Variants in PIEZO2 observed in about 807,000 individuals in gnomAD.
PIEZO2 encodes the protein piezo-type mechanosensitive ion channel component 2.
PIEZO2 carries 172 observed loss-of-function variants against 337.3 expected under a neutral mutation model. The observed-to-expected ratio is 0.51, with a 90% CI of 0.45 to 0.58. PIEZO2 has a LOEUF of 0.58. Among genes scored for constraint, PIEZO2 ranks in the 20% least tolerant of loss-of-function variants. PIEZO2 has a pLI of 0.00. For missense variants in PIEZO2, 3,028 were observed against 3,391.3 expected (o/e 0.89, Z 2.66); for synonymous variants, 1,251 against 1,228.5 (o/e 1.02, Z -0.38).
In PIEZO2 at chr18:11,149,021, T is replaced by C. The variant is rs1309176552; in HGVS notation, c.-433A>G. Among the ~76,000 whole-genome samples the C allele has an allele frequency of 7.9e-5, 12 of 151,416 alleles. No homozygotes were observed. Among genetic ancestry groups the C allele is most frequent in the African/African-American group, 2.7e-4 (11 of 41,248 alleles). ...TCCCGCCTGGCTCCCGGGGCGTCGT[T>C]TGGGGGCGGCCGGGGAGTTTTCTAC... is the stretch of plus-strand genomic sequence containing the variant. On this transcript the variant is annotated 5_prime_UTR_variant, in exon 1 of 56. Transcript: ENST00000674853. This position sits in a 1 kb window ranked among gnomAD's most constrained non-coding sequence, Gnocchi z 8.7.
At position 11,048,072 on chromosome 18, in the gene PIEZO2, C is replaced by G. The variant is rs556476432; in HGVS notation, c.160+18055G>C. ...GTGACACCTGCTGGGTGTAGACAGT[C>G]AAGAGCACAGCGGCAGCCACTGCCA... On this transcript the variant is annotated intron_variant, in intron 2 of 55. Coordinates refer to ENST00000674853, the MANE Select transcript of PIEZO2 (RefSeq NM_001378183.1). This position sits in a 1 kb window ranked among gnomAD's most constrained non-coding sequence, Gnocchi z 4.5. Among the ~76,000 whole-genome samples the G allele has an allele frequency of 1.2e-3, 180 of 152,238 alleles. No homozygotes were observed. Among genetic ancestry groups the G allele is most frequent in the African/African-American group, 4.3e-3 (179 of 41,558 alleles).
At position 10,795,293 on chromosome 18, in the gene PIEZO2, A is replaced by G. The variant is rs1448822773; in HGVS notation, c.1528-291T>C. Reference sequence around the variant, plus strand: ...TTTTACAATAGACTTTTTTCAGTTAAGTAGCAAAATGTGTATTCAAATATT... The same window carrying G: ...TTTTACAATAGACTTTTTTCAGTTAGGTAGCAAAATGTGTATTCAAATATT... On this transcript the variant is annotated intron_variant, in intron 12 of 55. Coordinates refer to ENST00000674853, the MANE Select transcript of PIEZO2 (RefSeq NM_001378183.1). This position sits in a 1 kb window ranked among gnomAD's most constrained non-coding sequence, Gnocchi z 4.4. Among the ~76,000 whole-genome samples, 3 of 150,486 alleles carry G rather than the reference A, an allele frequency of 2.0e-5. No individual in the cohort carries two copies. The highest frequency in any genetic ancestry group is 6.7e-5 in the Admixed American group (1 of 15,010).
In PIEZO2 at chr18:10,862,459, C is replaced by T. The variant is rs1458806672; in HGVS notation, c.493-5248G>A. 6.6e-6 allele frequency among the ~76,000 whole-genome samples: 1 copy of T among 152,214 alleles called. No individual in the cohort carries two copies. Among genetic ancestry groups the T allele is most frequent in the Non-Finnish European group, 1.5e-5 (1 of 68,046 alleles). On this transcript the variant is annotated intron_variant, in intron 5 of 55. Coordinates refer to ENST00000674853, the MANE Select transcript of PIEZO2 (RefSeq NM_001378183.1). The surrounding 1 kb of genome is among the most constrained non-coding windows in gnomAD (Gnocchi z 4.4). The stretch of plus-strand genomic sequence containing the variant: ...TCTAAACCTTTGCGTCTCTGCATCT[C>T]ATCCCACAACATCCTCTCACCCTAC...
intron 17 of PIEZO2, among the ~76,000 whole-genome samples, chr18:10,782,788 C>T (rs1436262371): frequency 6.6e-6 from 1 of 151,940 alleles, no homozygotes; most frequent in Non-Finnish European, 1.5e-5. Context: ...AACATAGAAC[C>T]TACATCTTGA....
rs1432180895 is a variant in PIEZO2 at position 10,940,382 on chromosome 18, A to G, written c.287-29154T>C. On this transcript the variant is annotated intron_variant, in intron 3 of 55. Transcript: ENST00000674853. This position sits in a 1 kb window ranked among gnomAD's most constrained non-coding sequence, Gnocchi z 5.3. ...TGGGTCTAGATACTGATTTCACAGGATCAGTGCTACATGGATGCCAACAAC... is the reference window on the plus strand; with the variant it reads ...TGGGTCTAGATACTGATTTCACAGGGTCAGTGCTACATGGATGCCAACAAC... Among the ~76,000 whole-genome samples the G allele has an allele frequency of 6.6e-6, 1 of 152,210 alleles. No homozygotes were observed. Among genetic ancestry groups the G allele is most frequent in the Non-Finnish European group, 1.5e-5 (1 of 68,034 alleles).
intron 37 of PIEZO2, 28 bp from the exon 38 acceptor site, chr18:10,715,844 T>G (rs924774739): frequency 6.1e-6 from 9 of 1,472,084 alleles, no homozygotes; most frequent in Middle Eastern, 1.9e-4. Flanking sequence ...AACAAGATGT[T>G]AAAGGAACAA....
At chr18:11,057,261 T>C (rs1460230591) in intron 2 of PIEZO2, among the ~76,000 whole-genome samples, 1 of 152,198 alleles carries the variant, frequency 6.6e-6, no homozygotes, top group Non-Finnish European at 1.5e-5. Context: ...GCTTCCTAAA[T>C]CTTCCATCCC....
chr18:10,747,992 T>C (rs949681448), intron 30 of PIEZO2, among the ~76,000 whole-genome samples: 1 of 152,080 alleles, frequency 6.6e-6, no homozygotes, highest in Non-Finnish European at 1.5e-5. Flanking sequence ...CCCAGTCTTT[T>C]TTCCTAAACT....
chr18:11,046,613 G>A (rs770383437), intron 2 of PIEZO2, among the ~76,000 whole-genome samples: 1 of 152,236 alleles, frequency 6.6e-6, no homozygotes, highest in Non-Finnish European at 1.5e-5. Context: ...CTGGGTGCTC[G>A]CTCAGGTCTT....
chr18:11,081,759 CTT>C (rs547000060), intron 1 of PIEZO2, among the ~76,000 whole-genome samples: 15 of 137,410 alleles, frequency 1.1e-4, no homozygotes, highest in Admixed American at 1.5e-4. Flanking sequence ...CTCAACTCAA[CTT>C]TTTTTTTTTT....
rs1568250863 is a variant in PIEZO2 at position 10,969,080 on chromosome 18, C to T, written c.286+10455G>A. Among the ~76,000 whole-genome samples the T allele has an allele frequency of 6.6e-6, 1 of 152,154 alleles. No individual in the cohort carries two copies. Among genetic ancestry groups the T allele is most frequent in the Non-Finnish European group, 1.5e-5 (1 of 68,028 alleles). ...ATACAAATAATATTTTCTAGAATGT[C>T]ATTACTATGCTTAGCCCAATTCTGC... On this transcript the variant is annotated intron_variant, in intron 3 of 55. Transcript: ENST00000674853. This position sits in a 1 kb window ranked among gnomAD's most constrained non-coding sequence, Gnocchi z 4.5.
In PIEZO2 at chr18:10,724,581, T is replaced by G. The variant is rs1472884688; in HGVS notation, c.5030-6322A>C. The stretch of plus-strand genomic sequence containing the variant: ...CCCCAGAAGTCGACAGTGTGGGGAG[T>G]TGGAGTGACCCAGCTGGATGTGACC... On this transcript the variant is annotated intron_variant, in intron 36 of 55. Transcript: ENST00000674853. The surrounding 1 kb of genome is among the most constrained non-coding windows in gnomAD (Gnocchi z 5.8). 5.3e-6 allele frequency: 3 copies of G among 568,320 alleles called. No homozygotes were observed. The highest frequency in any genetic ancestry group is 9.6e-6 in the Non-Finnish European group (3 of 312,850). 35.2% of individuals were successfully genotyped at this position (568,320 alleles called of 1,614,324 possible).
chr18:11,098,738 A>G (rs546121078), intron 1 of PIEZO2, among the ~76,000 whole-genome samples: 1 of 151,926 alleles, frequency 6.6e-6, no homozygotes, highest in Non-Finnish European at 1.5e-5. Context: ...TCTATTTACT[A>G]TATCAGTACA....
chr18:11,043,843 T>C (rs2037207083), intron 2 of PIEZO2, among the ~76,000 whole-genome samples: 1 of 152,076 alleles, frequency 6.6e-6, no homozygotes, highest in South Asian at 2.1e-4. Context: ...CTGATTTTTT[T>C]GTATTTTTAG....
intron 2 of PIEZO2, among the ~76,000 whole-genome samples, chr18:10,995,632 G>A (rs1301966608): frequency 1.3e-5 from 2 of 152,194 alleles, no homozygotes; most frequent in Admixed American, 1.3e-4. Context: ...TCTGGAGAAA[G>A]TTATTTCCCA....
intron 41 of PIEZO2, 70 bp downstream of exon 41, chr18:10,705,266 A>G (rs2035528128): frequency 1.4e-6 from 2 of 1,429,520 alleles, no homozygotes; most frequent in Non-Finnish European, 1.8e-6. Context: ...TTTTCTGTAT[A>G]CAGAATTAGG....
rs556376389 is a variant in PIEZO2, at chr18:11,115,812, C to A, written c.64+32713G>T. ...TAATATAAAATATAAAATAAAATGC[C>A]GTAAGTGCTATATTTAATTAAACAA... On this transcript the variant is annotated intron_variant, in intron 1 of 55. Coordinates refer to ENST00000674853, the MANE Select transcript of PIEZO2 (RefSeq NM_001378183.1). Among the ~76,000 whole-genome samples, 5 of 152,004 alleles carry A rather than the reference C, an allele frequency of 3.3e-5. 1 individual carries two copies. The highest frequency in any genetic ancestry group is 1.2e-4 in the African/African-American group (5 of 41,440).
rs768230615 is a variant in PIEZO2 at position 10,677,375 on chromosome 18, G to A, written c.8081+372C>T. Reference sequence around the variant, plus strand: ...TGGGAGTACAGATGTGCACCACCACGCTTAGCTAATCTTTGTATTTTCAGT... The same window carrying A: ...TGGGAGTACAGATGTGCACCACCACACTTAGCTAATCTTTGTATTTTCAGT... On this transcript the variant is annotated intron_variant, in intron 53 of 55. Transcript: ENST00000674853. The surrounding 1 kb of genome is among the most constrained non-coding windows in gnomAD (Gnocchi z 4.1). 17 of 201,146 alleles carry A rather than the reference G, an allele frequency of 8.5e-5. No homozygotes were observed. The highest frequency in any genetic ancestry group is 1.2e-4 in the Non-Finnish European group (12 of 99,772). 12.5% of individuals were successfully genotyped at this position (201,146 alleles called of 1,614,324 possible).
At chr18:11,044,427 G>A (rs996706765) in intron 2 of PIEZO2, among the ~76,000 whole-genome samples, 2 of 152,104 alleles carry the variant, frequency 1.3e-5, no homozygotes, top group African/African-American at 2.4e-5. Flanking sequence ...TAAGTTTAAA[G>A]TTCCAGGCCT....
Sources: gnomAD v4.1 joint callset for allele counts (sites outside exome capture counted in the v4.1 genomes callset) on GRCh38, gnomAD v4.1.1 for gene constraint, Gnocchi (gnomAD v3.1) non-coding constraint, MANE v1.5 for transcripts, NCBI Gene and HGNC (gene_info 2026-07-23, HGNC 2026-07-21) for gene names.